The following PARP14 variants were observed in gnomAD, a reference collection of about 807,000 sequenced individuals.
PARP14 encodes poly(ADP-ribose) polymerase family member 14, also known as protein mono-ADP-ribosyltransferase PARP14.
PARP14 carries 59 observed loss-of-function variants against 154.2 expected under a neutral mutation model. The observed-to-expected ratio is 0.38, with a 90% CI of 0.31 to 0.48. The LOEUF is 0.48. Ranked by LOEUF, PARP14 falls within the 20% of genes least tolerant of loss-of-function variation. The pLI is 0.98. For missense variants in PARP14, 1,734 were observed against 2,131.6 expected (o/e 0.81, Z 3.67); for synonymous variants, 720 against 780.5 (o/e 0.92, Z 1.29).
chr3:122,708,983 G>C (rs576830143), intron 9 of PARP14, among the ~76,000 whole-genome samples: 3 of 152,080 alleles, frequency 2.0e-5, no homozygotes, highest in African/African-American at 7.2e-5. Flanking sequence ...GTTCTAAAAT[G>C]TCTATTTGGT....
chr3:122,729,823 G>A lies in PARP14; in HGVS notation c.*1226G>A, dbSNP rs185878241. On this transcript the variant is annotated 3_prime_UTR_variant, in exon 17 of 17. Transcript: ENST00000474629. ...TTGTGAAACCCTTCCCCTGTGCTGAGATTAAATGAACTCTAAGATTATTAA... is the reference window on the plus strand; with the variant it reads ...TTGTGAAACCCTTCCCCTGTGCTGAAATTAAATGAACTCTAAGATTATTAA... The A allele has an allele frequency of 6.6e-6, 1 of 152,282 alleles. No homozygotes were observed. Among genetic ancestry groups the A allele is most frequent in the African/African-American group, 2.4e-5 (1 of 41,556 alleles). 9.4% of individuals were successfully genotyped at this position (152,282 alleles called of 1,614,324 possible).
In PARP14 at chr3:122,701,460, C is replaced by A. The variant is rs1187933806; in HGVS notation, c.2906C>A (p.Ala969Asp). Reference protein sequence around the residue: ...LVDVSEKTVEAFAEAVKTVFK... With the variant: ...LVDVSEKTVEDFAEAVKTVFK... ...GATGTATCTGAGAAGACTGTTGAGGCCTTTGCAGAAGCTGTGAAAACTGTA... is the reference window on the plus strand; with the variant it reads ...GATGTATCTGAGAAGACTGTTGAGGACTTTGCAGAAGCTGTGAAAACTGTA... Residue 969 changes from alanine (A) to aspartate (D), a missense_variant, in exon 6 of 17, where the codon GCC becomes GAC. By Grantham distance (126) the Ala-to-Asp change is moderately radical. Around this residue, in one of 2 missense-constraint regions of PARP14, gnomAD observed 1,646 missense variants for 1,976.0 expected, o/e 0.83. Transcript: ENST00000474629. The surrounding 1 kb of genome is among the most constrained non-coding windows in gnomAD (Gnocchi z 4.0). 3.7e-6 allele frequency: 6 copies of A among 1,613,966 alleles called. No individual in the cohort carries two copies. The highest frequency in any genetic ancestry group is 1.7e-5 in the Admixed American group (1 of 60,026).
intron 3 of PARP14, 126 bp from the exon 4 acceptor site, chr3:122,692,175 T>C (rs1241598612): frequency 3.1e-6 from 2 of 646,378 alleles, no homozygotes; most frequent in African/African-American, 1.8e-5. Context: ...ATCCAAGGTC[T>C]GTTATTCTGT....
intron 9 of PARP14, 114 bp downstream of exon 9, chr3:122,708,382 A>G: frequency 1.6e-6 from 1 of 637,814 alleles, no homozygotes; most frequent in Non-Finnish European, 2.8e-6. Flanking sequence ...TGAGTGACAA[A>G]TGATACTAAG....
intron 8 of PARP14, among the ~76,000 whole-genome samples, chr3:122,707,102 C>CT (rs550949784): frequency 9.9e-5 from 15 of 152,030 alleles, no homozygotes; most frequent in East Asian, 7.7e-4. Flanking sequence ...TTCCAGCCTG[C>CT]TTTTTTTTAC....
At chr3:122,723,755 T>C (rs1273125373) in intron 15 of PARP14, among the ~76,000 whole-genome samples, 1 of 152,218 alleles carries the variant, frequency 6.6e-6, no homozygotes, top group East Asian at 1.9e-4. Flanking sequence ...ATCTGTGGGA[T>C]GATACTTCGT....
Position 122,713,868 on chromosome 3 carries a change from G to T in PARP14, c.3770-4G>T, listed in dbSNP as rs944039275. On this transcript the variant is annotated splice_region_variant and splice_polypyrimidine_tract_variant and intron_variant, in intron 10 of 16. Transcript: ENST00000474629. ...TTTGTTATCATCTTGATTTTCTCAT[G>T]TAGGGGTCTCCAAAGCAATTTTAGA... The T allele has an allele frequency of 6.2e-7, 1 of 1,600,314 alleles. No individual in the cohort carries two copies. The highest frequency in any genetic ancestry group is 1.7e-5 in the Admixed American group (1 of 59,966).
chr3:122,690,763 C>T (rs547446481), intron 3 of PARP14, among the ~76,000 whole-genome samples: 12 of 152,202 alleles, frequency 7.9e-5, no homozygotes, highest in East Asian at 1.9e-4. Context: ...CCGCCTGCCT[C>T]GTTCTCCCAA....
intron 4 of PARP14, among the ~76,000 whole-genome samples, chr3:122,694,054 C>T (rs1256200): frequency 0.39 from 58,556 of 151,904 alleles, 14,419 homozygotes; most frequent in African/African-American, 0.68. Flanking sequence ...GCTGTGGGCA[C>T]AGAGATGAAT....
intron 3 of PARP14, among the ~76,000 whole-genome samples, chr3:122,687,661 G>A (rs1041340101): frequency 3.3e-5 from 5 of 152,150 alleles, no homozygotes; most frequent in East Asian, 1.9e-4. Flanking sequence ...AACAGCCAGC[G>A]ACCAATTAGC....
chr3:122,724,460 ATTT>A (rs956215914), intron 15 of PARP14, among the ~76,000 whole-genome samples: 1 of 102,036 alleles, frequency 9.8e-6, no homozygotes, highest in African/African-American at 4.0e-5. Flanking sequence ...CACCACGCCT[ATTT>A]TTTTTTTTTT....
chr3:122,687,790 G>T (rs1319594865), intron 3 of PARP14, among the ~76,000 whole-genome samples: 2 of 152,220 alleles, frequency 1.3e-5, no homozygotes, highest in African/African-American at 4.8e-5. Context: ...GGTAGGAAGT[G>T]AACTACACTG....
In PARP14 at chr3:122,700,993, G is replaced by A. The variant is rs1398854837; in HGVS notation, c.2439G>A (p.Arg813=). The A allele has an allele frequency of 6.2e-7, 1 of 1,614,000 alleles. No homozygotes were observed. Among genetic ancestry groups the A allele is most frequent in the South Asian group, 1.1e-5 (1 of 91,086 alleles). Residue 813 remains arginine, a synonymous_variant, in exon 6 of 17, where the codon CGG becomes CGA. Transcript: ENST00000474629. ...VLIVQQGDLA[R]LPVDVVVNAS... ...TTGTGCAGCAGGGTGACTTGGCACG[G>A]CTTCCTGTCGATGTGGTGGTGAATG...
chr3:122,703,192 A>G (rs1420520172), intron 6 of PARP14, among the ~76,000 whole-genome samples: 1 of 151,984 alleles, frequency 6.6e-6, no homozygotes, highest in Non-Finnish European at 1.5e-5. Context: ...TCTCTAATCT[A>G]GCCCGATTAA....
chr3:122,697,057 A>G (rs544682833), intron 5 of PARP14, among the ~76,000 whole-genome samples: 3 of 152,166 alleles, frequency 2.0e-5, no homozygotes, highest in Admixed American at 6.5e-5. Flanking sequence ...GGCTCAGGTG[A>G]TCCTTCCACC....
rs574725540 is a variant in PARP14 at position 122,708,369 on chromosome 3, C to T, written c.3619+101C>T. 2.8e-5 allele frequency: 18 copies of T among 647,702 alleles called. No individual in the cohort carries two copies. The African/African-American group carries it at 2.9e-4, about 11-fold the overall frequency. 40.1% of individuals were successfully genotyped at this position (647,702 alleles called of 1,614,324 possible). On this transcript the variant is annotated intron_variant, in intron 9 of 16. Transcript: ENST00000474629. ...GTGATAATTTTTATGAAAAAAAAAT[C>T]AATGAGTGACAAATGATACTAAGTT... is the stretch of plus-strand genomic sequence containing the variant.
rs1938196544 is a variant in PARP14 at position 122,681,236 on chromosome 3, C to G, written c.187+166C>G. Among the ~76,000 whole-genome samples the G allele has an allele frequency of 6.6e-6, 1 of 151,474 alleles. No homozygotes were observed. The highest frequency in any genetic ancestry group is 1.5e-5 in the Non-Finnish European group (1 of 67,818). The stretch of plus-strand genomic sequence containing the variant: ...CGGGGGCGGCAGAATGGATTCCGAG[C>G]GCACCCGGGGCGCTGCGGTTCCCCG... On this transcript the variant is annotated intron_variant, in intron 1 of 16. Coordinates refer to ENST00000474629, the MANE Select transcript of PARP14 (RefSeq NM_017554.3). The surrounding 1 kb of genome is among the most constrained non-coding windows in gnomAD (Gnocchi z 5.5).
At chr3:122,706,254 G>A (rs1186370080) in intron 8 of PARP14, among the ~76,000 whole-genome samples, 1 of 152,026 alleles carries the variant, frequency 6.6e-6, no homozygotes, top group East Asian at 1.9e-4. Flanking sequence ...TTCTCTGTAT[G>A]TGTCTGTTAC....
intron 3 of PARP14, among the ~76,000 whole-genome samples, chr3:122,687,454 C>T (rs1328089398): frequency 2.0e-5 from 3 of 152,202 alleles, no homozygotes; most frequent in African/African-American, 7.2e-5. Flanking sequence ...CACGATATGT[C>T]CAAGGGAGTC....
Sources: gnomAD v4.1 joint callset for allele counts (sites outside exome capture counted in the v4.1 genomes callset) on GRCh38, gnomAD v4.1.1 for gene constraint, gnomAD v4.1.1 regional missense constraint, Gnocchi (gnomAD v3.1) non-coding constraint, MANE v1.5 for transcripts, NCBI Gene and HGNC (gene_info 2026-07-23, HGNC 2026-07-21) for gene names.